PCSK5: variants seen among roughly 807,000 people sequenced by gnomAD.
The protein encoded by PCSK5 is proprotein convertase subtilisin/kexin type 5, also known as prohormone convertase 5.
PCSK5 carries 129 observed loss-of-function variants against 233.2 expected under a neutral mutation model. The observed-to-expected ratio is 0.55, with a 90% CI of 0.48 to 0.64. The LOEUF is 0.64. PCSK5 is among the 30% of genes least tolerant of loss of function. The pLI is 0.00. For synonymous variants in PCSK5, 825 were observed against 879.2 expected (o/e 0.94, Z 1.09); for missense variants, 2,076 against 2,430.1 (o/e 0.85, Z 3.06).
chr9:76,358,558 A>G lies in PCSK5; in HGVS notation c.5300A>G (p.His1767Arg), dbSNP rs1830360312. The G allele has an allele frequency of 6.2e-7, 1 of 1,612,664 alleles. No individual in the cohort carries two copies. The highest frequency in any genetic ancestry group is 8.5e-7 in the Non-Finnish European group (1 of 1,179,762). ...AGCAAGGTTAGGCCTGCAACTGAGC[A>G]TTTCAAGACAGCTCTGTTCATCACC... Reference protein sequence around the residue: ...RTSKVRPATEHFKTALFITSS... With the variant: ...RTSKVRPATERFKTALFITSS... The change falls in exon 38 of 38, where the codon CAT becomes CGT. Residue 1767 changes from histidine to arginine, a missense_variant. Physicochemically the swap from His to Arg is conservative, Grantham distance 29 (BLOSUM62 0). Around this residue, in one of 6 missense-constraint regions of PCSK5, gnomAD observed 1,510 missense variants for 1,538.1 expected, o/e 0.98. Coordinates refer to ENST00000674117, the MANE Select transcript of PCSK5 (RefSeq NM_001372043.1).
At chr9:76,124,188 G>A (rs373732358) in intron 9 of PCSK5, among the ~76,000 whole-genome samples, 2 of 152,134 alleles carry the variant, frequency 1.3e-5, no homozygotes. Context: ...CTAGTTACAC[G>A]GCTTTGAGAA....
At chr9:75,931,737 A>G (rs2131280735) in intron 1 of PCSK5, among the ~76,000 whole-genome samples, 1 of 152,356 alleles carries the variant, frequency 6.6e-6, no homozygotes, top group South Asian at 2.1e-4. Flanking sequence ...AACGGATAAG[A>G]TAAAGTAGAA....
intron 3 of PCSK5, among the ~76,000 whole-genome samples, chr9:76,005,131 C>T (rs937711066): frequency 2.0e-5 from 3 of 152,170 alleles, no homozygotes; most frequent in Admixed American, 2.0e-4. Flanking sequence ...ACAGTACATG[C>T]AAAATACTGT....
rs1825585978 is a variant in PCSK5 at position 75,891,321 on chromosome 9, T to C, written c.140T>C (p.Phe47Ser). 1 of 1,561,128 alleles carries C rather than the reference T, an allele frequency of 6.4e-7. No individual in the cohort carries two copies. Among genetic ancestry groups the C allele is most frequent in the Non-Finnish European group, 8.6e-7 (1 of 1,157,716 alleles). ...TGGGCAGTCAAAATCGCCGGGGGCT[T>C]CCCGGAGGCCAACCGTATCGCCAGC... is the stretch of plus-strand genomic sequence containing the variant. ...NHWAVKIAGG[F>S]PEANRIASKY... Residue 47 changes from phenylalanine to serine, a missense_variant, in exon 1 of 38, where the codon TTC (phenylalanine) becomes TCC (serine). Physicochemically the swap from Phe to Ser is radical, Grantham distance 155. Around this residue, in one of 6 missense-constraint regions of PCSK5, gnomAD observed 190 missense variants for 216.3 expected, o/e 0.88. Coordinates refer to ENST00000674117, the MANE Select transcript of PCSK5 (RefSeq NM_001372043.1).
At chr9:76,232,205 T>C (rs7038642) in intron 21 of PCSK5, among the ~76,000 whole-genome samples, 148,479 of 152,256 alleles carry the variant, frequency 0.98, 72,425 homozygotes, top group East Asian at 1. Flanking sequence ...CTACATCTGA[T>C]CTTTCGTGTG....
chr9:75,903,590 A>AT, intron 1 of PCSK5, among the ~76,000 whole-genome samples: 2 of 122,706 alleles, frequency 1.6e-5, no homozygotes, highest in South Asian at 2.2e-4. Context: ...ATATATATAA[A>AT]ATATATATTA....
chr9:76,185,934 A>T (rs539366197), intron 17 of PCSK5, among the ~76,000 whole-genome samples: 151 of 152,346 alleles, frequency 9.9e-4, no homozygotes, highest in African/African-American at 3.5e-3. Context: ...CATGAGAAAT[A>T]AAAGATGATT....
chr9:76,102,281 G>A (rs530518478), intron 8 of PCSK5, among the ~76,000 whole-genome samples: 1 of 152,256 alleles, frequency 6.6e-6, no homozygotes, highest in East Asian at 1.9e-4. Flanking sequence ...TAACCCCTCT[G>A]AGCCTCTATT....
At chr9:76,087,485 G>A (rs1831111807) in intron 7 of PCSK5, among the ~76,000 whole-genome samples, 1 of 152,170 alleles carries the variant, frequency 6.6e-6, no homozygotes, top group Non-Finnish European at 1.5e-5. Context: ...CCTAAATTCA[G>A]TGCAACGTGC....
intron 3 of PCSK5, among the ~76,000 whole-genome samples, chr9:76,009,718 A>G (rs954249321): frequency 1.3e-5 from 2 of 152,186 alleles, no homozygotes; most frequent in Non-Finnish European, 2.9e-5. Context: ...GAGAGATCAT[A>G]TATAGCTAGA....
chr9:76,176,072 G>A (rs1253457160), intron 14 of PCSK5, among the ~76,000 whole-genome samples: 1 of 150,514 alleles, frequency 6.6e-6, no homozygotes, highest in Non-Finnish European at 1.5e-5. Flanking sequence ...ATATAACACT[G>A]ATATTTTGCA....
At chr9:76,001,468 CTTTTTT>C (rs34379742) in intron 3 of PCSK5, among the ~76,000 whole-genome samples, 1 of 87,136 alleles carries the variant, frequency 1.1e-5, no homozygotes, top group African/African-American at 4.6e-5. Flanking sequence ...ACCATCATAG[CTTTTTT>C]TTTTTTTTTT....
At chr9:76,342,453 G>A (rs1049509669) in intron 35 of PCSK5, among the ~76,000 whole-genome samples, 2 of 152,032 alleles carry the variant, frequency 1.3e-5, no homozygotes, top group Non-Finnish European at 2.9e-5. Context: ...CCAAGAATTA[G>A]GGAAAACAAG....
chr9:76,339,766 A>G lies in PCSK5; in HGVS notation c.4966+1319A>G, dbSNP rs1178450643. On this transcript the variant is annotated intron_variant, in intron 35 of 37. Coordinates refer to ENST00000674117, the MANE Select transcript of PCSK5 (RefSeq NM_001372043.1). ...CACCATATTGATCAGGCTGGTCTCG[A>G]ACTCCTGACCTCATGATCCGCCCGC... Among the ~76,000 whole-genome samples, 3 of 152,138 alleles carry G rather than the reference A, an allele frequency of 2.0e-5. No individual in the cohort carries two copies. In the East Asian group the frequency reaches 5.8e-4, roughly 29 times the overall value.
intron 12 of PCSK5, among the ~76,000 whole-genome samples, chr9:76,166,361 T>C (rs1441629281): frequency 6.6e-6 from 1 of 152,058 alleles, no homozygotes; most frequent in Non-Finnish European, 1.5e-5. Flanking sequence ...GAATTCTGAT[T>C]TGTGGATATT....
In PCSK5 at chr9:76,189,660, G is replaced by C; in HGVS notation, c.2540G>C (p.Gly847Ala). The change falls in exon 20 of 38, where the codon GGC becomes GCC. Residue 847 changes from glycine to alanine, a missense_variant. Transcript: ENST00000674117. ...KCDISCLTCN[G>A]PGFKNCTSCP... ...GATATCAGTTGTTTGACGTGCAATGGCCCAGGATTCAAGAACTGTACAAGC... is the reference window on the plus strand; with the variant it reads ...GATATCAGTTGTTTGACGTGCAATGCCCCAGGATTCAAGAACTGTACAAGC... The C allele has an allele frequency of 6.2e-7, 1 of 1,612,500 alleles. No homozygotes were observed. Among genetic ancestry groups the C allele is most frequent in the South Asian group, 1.1e-5 (1 of 91,026 alleles).
At chr9:75,945,833 C>G (rs1296767673) in intron 2 of PCSK5, among the ~76,000 whole-genome samples, 1 of 152,194 alleles carries the variant, frequency 6.6e-6, no homozygotes, top group Non-Finnish European at 1.5e-5. Flanking sequence ...ATGATGGATG[C>G]CTTCTCAGCC....
At chr9:76,172,336 A>T (rs914886944) in intron 13 of PCSK5, among the ~76,000 whole-genome samples, 3 of 152,196 alleles carry the variant, frequency 2.0e-5, no homozygotes, top group Admixed American at 6.5e-5. Flanking sequence ...TTGCAAAATC[A>T]TCTATAAAAT....
chr9:76,310,219 G>A (rs1828825768), intron 29 of PCSK5, among the ~76,000 whole-genome samples: 2 of 150,596 alleles, frequency 1.3e-5, no homozygotes, highest in Non-Finnish European at 2.9e-5. Context: ...GTGCACTCCA[G>A]CCTGGGAGAT....
Sources: allele counts gnomAD v4.1 joint callset (sites outside exome capture counted in the v4.1 genomes callset), GRCh38; gene constraint gnomAD v4.1.1; regional missense constraint gnomAD v4.1.1; transcripts MANE v1.5; gene names NCBI Gene and HGNC (gene_info 2026-07-23, HGNC 2026-07-21).